TUBB4B: variants seen among roughly 807,000 people sequenced by gnomAD.
TUBB4B encodes tubulin beta 4B class IVb.
A neutral mutation model predicts 34.3 loss-of-function variants in TUBB4B; 7 were observed. The ratio of observed to expected loss-of-function variants is 0.20; its 90% CI spans 0.12 to 0.38. TUBB4B has a LOEUF of 0.38. Ranked by LOEUF, TUBB4B falls within the 10% of genes least tolerant of loss-of-function variation. The pLI, the probability that TUBB4B is intolerant of heterozygous loss-of-function variation, is 1.00. For synonymous variants in TUBB4B, 390 were observed against 250.2 expected, an observed-to-expected ratio of 1.56 and a Z score of -5.27; for missense variants, 178 against 610.9, an observed-to-expected ratio of 0.29 and a Z score of 7.47.
Position 137,242,610 on chromosome 9 carries a change from A to G in TUBB4B, c.392A>G (p.Gln131Arg), listed in dbSNP as rs1372356237. ...GAGGCTGAGAGCTGTGACTGCCTGC[A>G]GGGTTTCCAGCTGACCCACTCCCTG... ...RKEAESCDCLQGFQLTHSLGG... is the reference protein window; with the variant it reads ...RKEAESCDCLRGFQLTHSLGG... The change falls in exon 4 of 4, where the codon CAG (glutamine) becomes CGG (arginine). Residue 131 changes from glutamine to arginine, a missense_variant. Coordinates refer to ENST00000340384, the MANE Select transcript of TUBB4B (RefSeq NM_006088.6). 6.2e-7 allele frequency: 1 copy of G among 1,613,754 alleles called. No individual in the cohort carries two copies. The highest frequency in any genetic ancestry group is 8.5e-7 in the Non-Finnish European group (1 of 1,180,002).
At chr9:137,242,307 A>T (rs1005225083) in intron 3 of TUBB4B, 189 bp from the exon 4 acceptor site, 1 of 745,114 alleles carries the variant, frequency 1.3e-6, no homozygotes. Context: ...TTAAGCTGTC[A>T]GGTTTGGCCC....
Position 137,242,482 on chromosome 9 carries a change from G to C in TUBB4B, c.278-14G>C, listed in dbSNP as rs1170370636. ...CTACCTGGCTGACAAATGATTAGCT[G>C]TGTTCTCTCACAGGTCAGAGTGGTG... On this transcript the variant is annotated splice_polypyrimidine_tract_variant and intron_variant, in intron 3 of 3. Transcript: ENST00000340384. 2 of 1,608,608 alleles carry C rather than the reference G, an allele frequency of 1.2e-6. No homozygotes were observed. Among genetic ancestry groups the C allele is most frequent in the South Asian group, 1.1e-5 (1 of 90,686 alleles).
Position 137,242,893 on chromosome 9 carries a change from G to C in TUBB4B, c.675G>C (p.Leu225=). Reference sequence around the variant, plus strand: ...TGACCACGCCCACCTATGGTGACCTGAACCACCTGGTGTCTGCTACCATGA... The same window carrying C: ...TGACCACGCCCACCTATGGTGACCTCAACCACCTGGTGTCTGCTACCATGA... The part of the protein sequence containing the change: ...LKLTTPTYGD[L]NHLVSATMSG... The change falls in exon 4 of 4, where the codon CTG becomes CTC. Residue 225 remains leucine, a synonymous_variant. Transcript: ENST00000340384. 2 of 1,613,226 alleles carry C rather than the reference G, an allele frequency of 1.2e-6. No individual in the cohort carries two copies. Among genetic ancestry groups the C allele is most frequent in the Non-Finnish European group, 8.5e-7 (1 of 1,180,022 alleles).
At position 137,243,637 on chromosome 9, in the gene TUBB4B, G is replaced by A; in HGVS notation, c.*81G>A. On this transcript the variant is annotated 3_prime_UTR_variant, in exon 4 of 4. Transcript: ENST00000340384. ...AGCCTGTCCTGTGGCCTGTCCCACTGTGTGCACTTGCTGTTTTCCCTGTCC... is the reference window on the plus strand; with the variant it reads ...AGCCTGTCCTGTGGCCTGTCCCACTATGTGCACTTGCTGTTTTCCCTGTCC... 1.9e-6 allele frequency: 3 copies of A among 1,613,940 alleles called. No individual in the cohort carries two copies. Among genetic ancestry groups the A allele is most frequent in the South Asian group, 1.1e-5 (1 of 91,076 alleles).
Position 137,241,466 on chromosome 9 carries a change from G to C in TUBB4B, c.57+49G>C, listed in dbSNP as rs761645963. 2.1e-6 allele frequency: 3 copies of C among 1,426,100 alleles called. No individual in the cohort carries two copies. The African/African-American group carries it at 4.4e-5, about 21-fold the overall frequency. The allele number at this position is 1,426,100 out of a possible 1,614,324, so 88.3% of individuals were successfully genotyped here. The stretch of plus-strand genomic sequence containing the variant: ...CAGGCGGGCCTGCCGGGCGGTGTGG[G>C]CGGGCGGCCGGGGAAGATGGCGGCA... On this transcript the variant is annotated intron_variant, in intron 1 of 3. Transcript: ENST00000340384.
chr9:137,242,791 G>A lies in TUBB4B; in HGVS notation c.573G>A (p.Gln191=), dbSNP rs187366349. The stretch of plus-strand genomic sequence containing the variant: ...ACAACGCCACCCTCTCAGTCCACCA[G>A]CTCGTAGAAAACACAGACGAGACCT... ...EPYNATLSVH[Q]LVENTDETYC... is the part of the protein sequence containing the mutation. The change falls in exon 4 of 4, where the codon CAG becomes CAA. Residue 191 remains glutamine (Q), a synonymous_variant. Coordinates refer to ENST00000340384, the MANE Select transcript of TUBB4B (RefSeq NM_006088.6). 6 of 1,613,880 alleles carry A rather than the reference G, an allele frequency of 3.7e-6. No homozygotes were observed. The highest frequency in any genetic ancestry group is 4.2e-6 in the Non-Finnish European group (5 of 1,180,034).
Position 137,243,499 on chromosome 9 carries a change from T to A in TUBB4B, c.1281T>A (p.Asp427Glu). 6.2e-7 allele frequency: 1 copy of A among 1,613,798 alleles called. No individual in the cohort carries two copies. Among genetic ancestry groups the A allele is most frequent in the Non-Finnish European group, 8.5e-7 (1 of 1,180,022 alleles). ...TGTCCGAGTACCAGCAGTACCAGGATGCCACAGCCGAGGAGGAGGGCGAGT... is the reference window on the plus strand; with the variant it reads ...TGTCCGAGTACCAGCAGTACCAGGAAGCCACAGCCGAGGAGGAGGGCGAGT... Reference protein sequence around the residue: ...DLVSEYQQYQDATAEEEGEFE... With the variant: ...DLVSEYQQYQEATAEEEGEFE... The change falls in exon 4 of 4, where the codon GAT becomes GAA. Residue 427 changes from aspartate to glutamate, a missense_variant. Coordinates refer to ENST00000340384, the MANE Select transcript of TUBB4B (RefSeq NM_006088.6).
rs1564425823 is a variant in TUBB4B, at chr9:137,241,348, C to CGCT, written c.-11_-10insTGC. 3 of 1,598,502 alleles carry CGCT rather than the reference C, an allele frequency of 1.9e-6. No homozygotes were observed. The highest frequency in any genetic ancestry group is 2.2e-5 in the South Asian group (2 of 90,602). ...CTACTTCCTCCTGCTTCCCCGCCGC[C>CGCT]GCCGCCGCCATCATGAGGGAAATCG... On this transcript the variant is annotated 5_prime_UTR_variant, in exon 1 of 4. Transcript: ENST00000340384.
At chr9:137,242,254 C>G (rs565932024) in intron 3 of TUBB4B, 1 of 664,128 alleles carries the variant, frequency 1.5e-6, no homozygotes, top group Admixed American at 3.0e-5. Flanking sequence ...GGCTGTTCCT[C>G]TGTCCTTGGG....
intron 3 of TUBB4B, 56 bp downstream of exon 3, chr9:137,242,077 G>A (rs952700989): frequency 9.3e-5 from 145 of 1,551,374 alleles, no homozygotes; most frequent in Middle Eastern, 6.9e-4. Flanking sequence ...CTGCTCCAAG[G>A]GCACCGCCGT....
At chr9:137,242,073 C>T in intron 3 of TUBB4B, 52 bp downstream of exon 3, 3 of 1,558,956 alleles carry the variant, frequency 1.9e-6, no homozygotes, top group South Asian at 2.3e-5. Context: ...GGGGCTGCTC[C>T]AAGGGCACCG....
At position 137,241,913 on chromosome 9, in the gene TUBB4B, G is replaced by A. The variant is rs749971588; in HGVS notation, c.169G>A (p.Gly57Ser). The A allele has an allele frequency of 6.2e-6, 10 of 1,610,878 alleles. No homozygotes were observed. The highest frequency in any genetic ancestry group is 7.6e-6 in the Non-Finnish European group (9 of 1,179,118). ...INVYYNEATG[G>S]KYVPRAVLVD... ...CTGACGCCCTCCCGTCCCCGCAGGC[G>A]GCAAGTACGTGCCCCGCGCCGTGCT... Residue 57 changes from glycine to serine, a missense_variant and splice_region_variant, in exon 3 of 4, where the codon GGC becomes AGC. Coordinates refer to ENST00000340384, the MANE Select transcript of TUBB4B (RefSeq NM_006088.6).
chr9:137,241,931 G>A lies in TUBB4B; in HGVS notation c.187G>A (p.Ala63Thr). 1.2e-6 allele frequency: 2 copies of A among 1,611,524 alleles called. No homozygotes were observed. Among genetic ancestry groups the A allele is most frequent in the Admixed American group, 1.7e-5 (1 of 59,960 alleles). Residue 63 changes from alanine (A) to threonine (T), a missense_variant, in exon 3 of 4, where the codon GCC (alanine) becomes ACC (threonine). By Grantham distance (58) the Ala-to-Thr change is moderately conservative. Coordinates refer to ENST00000340384, the MANE Select transcript of TUBB4B (RefSeq NM_006088.6). ...CGCAGGCGGCAAGTACGTGCCCCGC[G>A]CCGTGCTCGTGGATCTGGAGCCCGG... ...EATGGKYVPR[A>T]VLVDLEPGTM...
chr9:137,241,672 C>G, intron 1 of TUBB4B, 49 bp from the exon 2 acceptor site: 1 of 1,497,102 alleles, frequency 6.7e-7, no homozygotes, highest in Non-Finnish European at 9.0e-7. Flanking sequence ...GCGCACCGGC[C>G]GCGGTGACTC....
intron 1 of TUBB4B, 58 bp downstream of exon 1, chr9:137,241,475 C>T (rs1242887990): frequency 3.7e-6 from 5 of 1,352,900 alleles, no homozygotes; most frequent in South Asian, 1.6e-5. Context: ...GGCGGGCGGC[C>T]GGGGAAGATG....
At chr9:137,242,347 C>CGTCTTTTG in intron 3 of TUBB4B, 149 bp from the exon 4 acceptor site, 2 of 954,192 alleles carry the variant, frequency 2.1e-6, no homozygotes, top group South Asian at 3.4e-5. Flanking sequence ...GGCAGGCTGC[C>CGTCTTTTG]GTCTTTTGGC....
chr9:137,241,510 C>T (rs979336009), intron 1 of TUBB4B, 93 bp downstream of exon 1: 537 of 1,105,934 alleles, frequency 4.9e-4, no homozygotes, highest in Admixed American at 1.1e-3. Flanking sequence ...CGGGCGGCGC[C>T]CCCGCATTGC....
At chr9:137,242,217 C>T (rs1207225006) in intron 3 of TUBB4B, 196 bp downstream of exon 3, 1 of 672,558 alleles carries the variant, frequency 1.5e-6, no homozygotes, top group Admixed American at 2.9e-5. Context: ...CACGTAATCT[C>T]CCTGCAGGGA....
rs946685150 is a variant in TUBB4B at position 137,241,500 on chromosome 9, C to T, written c.57+83C>T. 8.7e-6 allele frequency: 10 copies of T among 1,152,556 alleles called. No homozygotes were observed. In the African/African-American group the frequency reaches 1.1e-4, roughly 13 times the overall value. The allele number at this position is 1,152,556 out of a possible 1,614,324, so 71.4% of individuals were successfully genotyped here. A position where few individuals can be genotyped will look rare whatever the true frequency, so the allele number is the denominator to read the frequency against. Reference sequence around the variant, plus strand: ...CGGGGAAGATGGCGGCAGCAGCGGCCGGGCGGCGCCCCCGCATTGCGGCCG... The same window carrying T: ...CGGGGAAGATGGCGGCAGCAGCGGCTGGGCGGCGCCCCCGCATTGCGGCCG... On this transcript the variant is annotated intron_variant, in intron 1 of 3. Coordinates refer to ENST00000340384, the MANE Select transcript of TUBB4B (RefSeq NM_006088.6).
Sources: allele counts gnomAD v4.1 joint callset, GRCh38; gene constraint gnomAD v4.1.1; transcripts MANE v1.5; gene names NCBI Gene and HGNC (gene_info 2026-07-23, HGNC 2026-07-21).